The following TPR variants were observed in gnomAD, a reference collection of about 807,000 sequenced individuals.
TPR encodes the protein nucleoprotein TPR.
TPR carries 51 observed loss-of-function variants against 316.1 expected under a neutral mutation model. That is an observed-to-expected ratio of 0.16 (90% CI 0.13 to 0.20). The LOEUF (loss-of-function observed/expected upper bound fraction) is 0.20. Among genes scored for constraint, TPR ranks in the 10% least tolerant of loss-of-function variants. The probability of loss-of-function intolerance (pLI) is 1.00; values close to 1 mark genes in which losing one functional copy is unlikely to be tolerated. For missense variants in TPR, 2,272 were observed against 2,754.8 expected (o/e 0.82, Z 3.92); for synonymous variants, 981 against 914.7 (o/e 1.07, Z -1.31).
chr1:186,342,237 T>G (rs982699744), intron 27 of TPR: 1 of 152,466 alleles, frequency 6.6e-6, no homozygotes, highest in Admixed American at 6.5e-5. Flanking sequence ...CCTCCCAAAG[T>G]GCTGGGATTA....
rs759061458 is a variant in TPR at position 186,370,556 on chromosome 1, A to T, written c.330+414T>A. On this transcript the variant is annotated intron_variant, in intron 3 of 50. Coordinates refer to ENST00000367478, the MANE Select transcript of TPR (RefSeq NM_003292.3). ...ATGCAAATTTTAAAAAAGCAATGGC[A>T]AAAGTATAAAGTTGTATCTGGTTAA... Among the ~76,000 whole-genome samples, 90 of 152,232 alleles carry T rather than the reference A, an allele frequency of 5.9e-4. 1 individual carries two copies. The highest frequency in any genetic ancestry group is 3.4e-4 in the Non-Finnish European group (23 of 67,932).
intron 40 of TPR, 53 bp downstream of exon 40, chr1:186,327,407 A>T (rs1658034263): frequency 2.5e-6 from 4 of 1,570,508 alleles, no homozygotes; most frequent in Non-Finnish European, 2.6e-6. Flanking sequence ...CAAGGATTTG[A>T]GCACTTTCAT....
Position 186,313,800 on chromosome 1 carries a change from C to A in TPR, c.*171G>T. 1 of 1,549,118 alleles carries A rather than the reference C, an allele frequency of 6.5e-7. No individual in the cohort carries two copies. Among genetic ancestry groups the A allele is most frequent in the Non-Finnish European group, 8.9e-7 (1 of 1,121,174 alleles). ...TTAGACTGATGAGCAAAGGAGGAGT[C>A]AACTAATGAAGAAATGAATAATAAA... On this transcript the variant is annotated 3_prime_UTR_variant, in exon 51 of 51. Transcript: ENST00000367478.
At chr1:186,360,178 T>C in intron 11 of TPR, 95 bp downstream of exon 11, 1 of 1,429,214 alleles carries the variant, frequency 7.0e-7, no homozygotes, top group Non-Finnish European at 9.6e-7. Flanking sequence ...TATAAGATGA[T>C]TTTAAAAATA....
At chr1:186,331,803 A>T (rs1658175879) in intron 38 of TPR, among the ~76,000 whole-genome samples, 1 of 152,132 alleles carries the variant, frequency 6.6e-6, no homozygotes, top group Non-Finnish European at 1.5e-5. Context: ...TTAATTTAGT[A>T]GCCTTAATGT....
chr1:186,331,635 T>TA, intron 38 of TPR, 54 bp from the exon 39 acceptor site: 8 of 1,219,524 alleles, frequency 6.6e-6, no homozygotes, highest in Non-Finnish European at 8.9e-6. Context: ...GATGAAGGGT[T>TA]ACCTGTTTTT....
At chr1:186,368,282 A>C (rs1254504387) in intron 3 of TPR, among the ~76,000 whole-genome samples, 3 of 152,214 alleles carry the variant, frequency 2.0e-5, no homozygotes, top group African/African-American at 7.2e-5. Context: ...ATTTTTCAAG[A>C]AAGATTCCTA....
chr1:186,360,614 G>A (rs751525177), intron 10 of TPR, 151 bp downstream of exon 10: 27 of 1,061,502 alleles, frequency 2.5e-5, no homozygotes, highest in East Asian at 7.9e-5. Flanking sequence ...ACAGGTAAGA[G>A]TATTAATTTT....
chr1:186,323,229 C>A (rs990331895), intron 43 of TPR, among the ~76,000 whole-genome samples: 1 of 152,066 alleles, frequency 6.6e-6, no homozygotes, highest in Non-Finnish European at 1.5e-5. Flanking sequence ...GTCATACATA[C>A]CTTCATTAAA....
Position 186,321,013 on chromosome 1 carries a change from T to A in TPR, c.6462-595A>T, listed in dbSNP as rs192657968. Among the ~76,000 whole-genome samples, 45 of 152,312 alleles carry A rather than the reference T, an allele frequency of 3.0e-4. 1 individual carries two copies. Among genetic ancestry groups the A allele is most frequent in the African/African-American group, 1.1e-3 (45 of 41,576 alleles). ...TATCTTTCCTTAGCTAGTGAGCTAT[T>A]AATGTCTTTAGGAAACATGGAGTTC... On this transcript the variant is annotated intron_variant, in intron 45 of 50. Coordinates refer to ENST00000367478, the MANE Select transcript of TPR (RefSeq NM_003292.3).
At chr1:186,363,653 T>A (rs1025182958) in intron 4 of TPR, among the ~76,000 whole-genome samples, 7 of 152,046 alleles carry the variant, frequency 4.6e-5, no homozygotes, top group Non-Finnish European at 7.4e-5. Flanking sequence ...AACTTACAAT[T>A]TGAAAAACTC....
intron 2 of TPR, among the ~76,000 whole-genome samples, chr1:186,372,484 G>C (rs1659562363): frequency 6.6e-6 from 1 of 151,948 alleles, no homozygotes. Context: ...AGAGGTTGCA[G>C]AGAGCCAAGA....
chr1:186,373,617 G>A (rs1324513953), intron 1 of TPR, among the ~76,000 whole-genome samples, 154 bp from the exon 2 acceptor site: 1 of 152,134 alleles, frequency 6.6e-6, no homozygotes, highest in Non-Finnish European at 1.5e-5. Context: ...AAGATAAATA[G>A]ACTGAGCACT....
intron 12 of TPR, 21 bp from the exon 13 acceptor site, chr1:186,358,671 T>G (rs774211410): frequency 1.2e-6 from 2 of 1,601,410 alleles, no homozygotes; most frequent in South Asian, 2.2e-5. Flanking sequence ...TAAATTCAAG[T>G]GAAAATTTTG....
chr1:186,341,121 T>C lies in TPR; in HGVS notation c.3927A>G (p.Glu1309=). The C allele has an allele frequency of 6.2e-7, 1 of 1,614,166 alleles. No individual in the cohort carries two copies. The highest frequency in any genetic ancestry group is 8.5e-7 in the Non-Finnish European group (1 of 1,180,026). Residue 1309 remains glutamate (E), a synonymous_variant, in exon 29 of 51, where the codon GAA becomes GAG. Transcript: ENST00000367478. ...TTTTCTCACTCAGCTCAGCATTTGC[T>C]TCTTGTAAGGGTAAAATATCTAACT... ...KLELDILPLQ[E]ANAELSEKSG... is the part of the protein sequence containing the mutation.
chr1:186,344,653 C>T (rs917069367), intron 24 of TPR, 75 bp from the exon 25 acceptor site: 61 of 1,111,294 alleles, frequency 5.5e-5, no homozygotes, highest in Non-Finnish European at 1.6e-5. Context: ...TCCAAAGATA[C>T]ACATTGGACT....
chr1:186,316,522 C>T (rs1283696583), intron 49 of TPR, among the ~76,000 whole-genome samples: 1 of 152,108 alleles, frequency 6.6e-6, no homozygotes, highest in Non-Finnish European at 1.5e-5. Flanking sequence ...TTGAGAATTA[C>T]CACTGTAAAC....
chr1:186,337,545 A>G (rs1325169619), intron 31 of TPR, among the ~76,000 whole-genome samples: 1 of 144,478 alleles, frequency 6.9e-6, no homozygotes, highest in African/African-American at 2.7e-5. Context: ...AGGGGTATTA[A>G]TTGTGAATTT....
rs1241944799 is a variant in TPR, at chr1:186,313,032, G to C, written c.*939C>G. 1.3e-5 allele frequency: 12 copies of C among 928,574 alleles called. No individual in the cohort carries two copies. The Admixed American group carries it at 2.5e-4, about 19-fold the overall frequency. The allele number at this position is 928,574 out of a possible 1,614,324, so 57.5% of individuals were successfully genotyped here. Reference sequence around the variant, plus strand: ...TACTTATTCTAATTGCTGTGGAAAAGAGTTAAGACTTTTGCTTTAATTTCA... The same window carrying C: ...TACTTATTCTAATTGCTGTGGAAAACAGTTAAGACTTTTGCTTTAATTTCA... On this transcript the variant is annotated 3_prime_UTR_variant, in exon 51 of 51. Coordinates refer to ENST00000367478, the MANE Select transcript of TPR (RefSeq NM_003292.3).
Sources: gnomAD v4.1 joint callset for allele counts (sites outside exome capture counted in the v4.1 genomes callset) on GRCh38, gnomAD v4.1.1 for gene constraint, MANE v1.5 for transcripts, NCBI Gene and HGNC (gene_info 2026-07-23, HGNC 2026-07-21) for gene names.